IREB2: variants seen among roughly 807,000 people sequenced by gnomAD.
IREB2 encodes iron-responsive element-binding protein 2.
IREB2 carries 39 observed loss-of-function variants against 118.8 expected under a neutral mutation model. The observed-to-expected ratio is 0.33, with a 90% CI of 0.25 to 0.43. IREB2 has a LOEUF of 0.43. Among genes scored for constraint, IREB2 ranks in the 20% least tolerant of loss-of-function variants. The pLI, the probability that IREB2 is intolerant of heterozygous loss-of-function variation, is 1.00. For synonymous variants in IREB2, 372 were observed against 392.2 expected (o/e 0.95, Z 0.61); for missense variants, 900 against 1,147.3 (o/e 0.78, Z 3.11).
intron 21 of IREB2, 92 bp from the exon 22 acceptor site, chr15:78,497,941 T>TG (rs1403563020): frequency 4.3e-6 from 3 of 690,832 alleles, no homozygotes; most frequent in Non-Finnish European, 7.7e-6. Flanking sequence ...GTGGCAAGTA[T>TG]AGTCATTAAA....
At chr15:78,491,123 C>T (rs778648816) in intron 18 of IREB2, among the ~76,000 whole-genome samples, 5 of 151,996 alleles carry the variant, frequency 3.3e-5, no homozygotes, top group African/African-American at 4.8e-5. Context: ...ACCAGCTTCC[C>T]ATTATTGGAG....
intron 2 of IREB2, among the ~76,000 whole-genome samples, chr15:78,459,734 C>T (rs1423148751): frequency 2.6e-5 from 4 of 152,148 alleles, no homozygotes; most frequent in Non-Finnish European, 5.9e-5. Context: ...TTTGTTGAAA[C>T]AGTATCCAAA....
rs935190521 is a variant in IREB2, at chr15:78,451,325, C to T, written c.106+11444C>T. On this transcript the variant is annotated intron_variant, in intron 2 of 21. Coordinates refer to ENST00000258886, the MANE Select transcript of IREB2 (RefSeq NM_004136.4). ...ACACATTTGAATAACCATAGTTTGT[C>T]AGTTCCTTCAAGTGAAAAACTGTTC... Among the ~76,000 whole-genome samples, 5 of 151,308 alleles carry T rather than the reference C, an allele frequency of 3.3e-5. No individual in the cohort carries two copies. In the South Asian group the frequency reaches 1.0e-3, roughly 32 times the overall value.
At chr15:78,496,796 TG>T (rs1372751496) in intron 20 of IREB2, among the ~76,000 whole-genome samples, 3 of 152,158 alleles carry the variant, frequency 2.0e-5, no homozygotes, top group Non-Finnish European at 4.4e-5. Context: ...ATGTTAGATC[TG>T]GCATGTTTAA....
chr15:78,458,441 C>T (rs1220195022), intron 2 of IREB2, among the ~76,000 whole-genome samples: 1 of 151,994 alleles, frequency 6.6e-6, no homozygotes, highest in Non-Finnish European at 1.5e-5. Context: ...TTGCTGTGAA[C>T]CTACAACTTC....
chr15:78,456,090 C>G (rs2051100837), intron 2 of IREB2, among the ~76,000 whole-genome samples: 1 of 152,162 alleles, frequency 6.6e-6, no homozygotes, highest in Admixed American at 6.5e-5. Flanking sequence ...AAGGCTCACA[C>G]TGTCATCTCT....
intron 10 of IREB2, among the ~76,000 whole-genome samples, chr15:78,482,202 C>G (rs1338722522): frequency 1.3e-5 from 2 of 152,118 alleles, no homozygotes; most frequent in Non-Finnish European, 2.9e-5. Context: ...TGCGCTCCAG[C>G]CTGGGCAACA....
At chr15:78,492,291 A>G (rs530098123) in intron 18 of IREB2, among the ~76,000 whole-genome samples, 2 of 152,158 alleles carry the variant, frequency 1.3e-5, no homozygotes, top group South Asian at 2.1e-4. Context: ...GTTTCCCACT[A>G]TAGTGAACCA....
intron 5 of IREB2, 77 bp downstream of exon 5, chr15:78,466,566 C>A: frequency 3.3e-6 from 3 of 920,112 alleles, no homozygotes; most frequent in Non-Finnish European, 3.5e-6. Context: ...ATTCTCTTCC[C>A]ACCCAATTAC....
At chr15:78,484,980 T>G in intron 12 of IREB2, 60 bp downstream of exon 12, 1 of 1,483,276 alleles carries the variant, frequency 6.7e-7, no homozygotes, top group African/African-American at 1.4e-5. Context: ...GGCTTTTCTG[T>G]TATTGTAACT....
rs2051690562 is a variant in IREB2 at position 78,488,083 on chromosome 15, T to A, written c.1795-97T>A. 7 of 1,183,896 alleles carry A rather than the reference T, an allele frequency of 5.9e-6. No individual in the cohort carries two copies. In the Admixed American group the frequency reaches 1.8e-4, roughly 31 times the overall value. The allele number at this position is 1,183,896 out of a possible 1,614,324, so 73.3% of individuals were successfully genotyped here. The stretch of plus-strand genomic sequence containing the variant: ...TTAGTAATATGTTTTTTGGTTAATC[T>A]CGCCCTCAGACTTTAAGATTGCTTA... On this transcript the variant is annotated intron_variant, in intron 14 of 21. Transcript: ENST00000258886.
chr15:78,458,167 A>G (rs1032680958), intron 2 of IREB2, among the ~76,000 whole-genome samples: 24 of 152,180 alleles, frequency 1.6e-4, no homozygotes, highest in Admixed American at 7.9e-4. Flanking sequence ...AGTATTTCTG[A>G]TAACTGTAAT....
intron 3 of IREB2, among the ~76,000 whole-genome samples, chr15:78,463,645 T>G (rs868851152): frequency 6.6e-6 from 1 of 152,238 alleles, no homozygotes; most frequent in Admixed American, 6.5e-5. Context: ...TACCTTCTTA[T>G]GATCTCTCAA....
chr15:78,482,694 T>C (rs1451196307), intron 10 of IREB2, among the ~76,000 whole-genome samples: 1 of 152,186 alleles, frequency 6.6e-6, no homozygotes, highest in South Asian at 2.1e-4. Context: ...TATTTTATCA[T>C]TGGACATCTG....
chr15:78,438,136 G>A (rs948230010), upstream of IREB2: 5 of 566,416 alleles, frequency 8.8e-6, no homozygotes, highest in African/African-American at 7.6e-5. Flanking sequence ...TTTCCTGTCC[G>A]ACGATCTCGC....
intron 11 of IREB2, among the ~76,000 whole-genome samples, chr15:78,484,425 A>G (rs1319348609): frequency 1.3e-5 from 2 of 152,216 alleles, no homozygotes; most frequent in Non-Finnish European, 1.5e-5. Context: ...TCATTTTAAC[A>G]GAAAAAAATT....
Position 78,485,799 on chromosome 15 carries a change from C to T in IREB2, c.1668C>T (p.Tyr556=), listed in dbSNP as rs747554380. 13 of 1,613,742 alleles carry T rather than the reference C, an allele frequency of 8.1e-6. No homozygotes were observed. The highest frequency in any genetic ancestry group is 1.1e-5 in the Non-Finnish European group (13 of 1,179,720). The change falls in exon 13 of 22, where the codon TAC becomes TAT. Residue 556 remains tyrosine (Y), a synonymous_variant. Coordinates refer to ENST00000258886, the MANE Select transcript of IREB2 (RefSeq NM_004136.4). ...CAGGCAGTGGGATGGTTACACATTA[C>T]CTCAGTTCAAGTGGAGTATTACCAT... ...LSPGSGMVTH[Y]LSSSGVLPYL... is the part of the protein sequence containing the mutation.
At chr15:78,462,247 G>A (rs888523459) in intron 2 of IREB2, among the ~76,000 whole-genome samples, 3 of 152,142 alleles carry the variant, frequency 2.0e-5, no homozygotes, top group Non-Finnish European at 2.9e-5. Context: ...AATCCATTGT[G>A]TGGATTACAG....
At chr15:78,440,935 A>G (rs971680603) in intron 2 of IREB2, among the ~76,000 whole-genome samples, 14 of 152,270 alleles carry the variant, frequency 9.2e-5, no homozygotes, top group Admixed American at 7.8e-4. Context: ...AACTTTCTCA[A>G]TTGGGCCAAT....
Sources: gnomAD v4.1 joint callset for allele counts (sites outside exome capture counted in the v4.1 genomes callset) on GRCh38, gnomAD v4.1.1 for gene constraint, MANE v1.5 for transcripts, NCBI Gene and HGNC (gene_info 2026-07-23, HGNC 2026-07-21) for gene names.